The following FIP1L1 variants were observed in gnomAD, a reference collection of about 807,000 sequenced individuals.
FIP1L1 encodes the protein pre-mRNA 3'-end-processing factor FIP1.
Under a neutral mutation model 84.6 loss-of-function variants are expected in FIP1L1, and 21 were observed. That is an observed-to-expected ratio of 0.25 (90% CI 0.18 to 0.36). FIP1L1 has a LOEUF of 0.36. Ranked by LOEUF, FIP1L1 falls within the 10% of genes least tolerant of loss-of-function variation. The pLI, the probability that FIP1L1 is intolerant of heterozygous loss-of-function variation, is 1.00. For missense variants in FIP1L1, 526 were observed against 751.1 expected (o/e 0.70, Z 3.50); for synonymous variants, 263 against 242.3 (o/e 1.09, Z -0.80).
chr4:53,392,762 C>T (rs1744941695), intron 9 of FIP1L1, among the ~76,000 whole-genome samples: 1 of 151,976 alleles, frequency 6.6e-6, no homozygotes, highest in African/African-American at 2.4e-5. Flanking sequence ...TGAAGGTAGC[C>T]GTTATGAATG....
At chr4:53,438,723 A>G (rs766214696) in intron 13 of FIP1L1, among the ~76,000 whole-genome samples, 2 of 152,190 alleles carry the variant, frequency 1.3e-5, no homozygotes, top group Non-Finnish European at 2.9e-5. Context: ...AATTTTAACT[A>G]CCTTTGTAAT....
intron 13 of FIP1L1, among the ~76,000 whole-genome samples, chr4:53,439,382 G>T (rs1203390744): frequency 2.0e-5 from 3 of 152,012 alleles, no homozygotes; most frequent in African/African-American, 7.2e-5. Flanking sequence ...TGTTTTTATT[G>T]TATGGGTGGT....
At chr4:53,378,127 A>G in intron 1 of FIP1L1, 1 of 460,776 alleles carries the variant, frequency 2.2e-6, no homozygotes. Context: ...CACCATGCGC[A>G]TCCACCCCTG....
intron 9 of FIP1L1, among the ~76,000 whole-genome samples, chr4:53,396,014 G>A (rs1426115430): frequency 3.3e-5 from 5 of 151,978 alleles, no homozygotes; most frequent in Non-Finnish European, 1.5e-5. Context: ...TACCTCCTGG[G>A]TTCAAGTGAT....
Position 53,377,910 on chromosome 4 carries a change from G to C in FIP1L1, c.72G>C (p.Glu24Asp). The C allele has an allele frequency of 6.3e-7, 1 of 1,599,160 alleles. No individual in the cohort carries two copies. Among genetic ancestry groups the C allele is most frequent in the Non-Finnish European group, 8.5e-7 (1 of 1,172,816 alleles). ...GGACCGGAGGGGATGAGGAGGAAGAGTGGCTCTATGGCGGTACGAAACTTC... is the reference window on the plus strand; with the variant it reads ...GGACCGGAGGGGATGAGGAGGAAGACTGGCTCTATGGCGGTACGAAACTTC... Reference protein sequence around the residue: ...SGGTGGDEEEEWLYGGPWDVH... With the variant: ...SGGTGGDEEEDWLYGGPWDVH... Residue 24 changes from glutamate to aspartate, a missense_variant, in exon 1 of 18, where the codon GAG becomes GAC. Physicochemically the swap from Glu to Asp is conservative, Grantham distance 45. This residue lies in a region of FIP1L1 where 100 missense variants were observed against 107.2 expected (regional missense o/e 0.93). Coordinates refer to ENST00000337488, the MANE Select transcript of FIP1L1 (RefSeq NM_030917.4).
At chr4:53,400,031 AGAAGT>A (rs1362234253) in intron 10 of FIP1L1, among the ~76,000 whole-genome samples, 192 bp downstream of exon 10, 2 of 152,226 alleles carry the variant, frequency 1.3e-5, no homozygotes, top group Non-Finnish European at 2.9e-5. Context: ...AGGGTAAGCA[AGAAGT>A]GAAGTGCGGT....
intron 9 of FIP1L1, among the ~76,000 whole-genome samples, chr4:53,397,328 A>G (rs924992633): frequency 2.6e-5 from 4 of 152,190 alleles, no homozygotes; most frequent in African/African-American, 9.7e-5. Context: ...TAGACTCAGT[A>G]AAATTGGCTA....
intron 15 of FIP1L1, among the ~76,000 whole-genome samples, chr4:53,451,488 GTCAAGTCGTCTTGAATTGAC>G (rs1715902049): frequency 6.6e-6 from 1 of 151,136 alleles, no homozygotes; most frequent in Non-Finnish European, 1.5e-5. Context: ...CTACATCTTC[GTCAAGTCGTCTTGAATTGAC>G]TGAGTTTCTT....
chr4:53,420,087 A>G (rs1761571931), intron 11 of FIP1L1, among the ~76,000 whole-genome samples: 1 of 150,736 alleles, frequency 6.6e-6, no homozygotes, highest in Admixed American at 6.7e-5. Flanking sequence ...AGTCCCAGCT[A>G]CTCAGGAGGC....
At chr4:53,414,870 T>C in intron 11 of FIP1L1, 148 bp downstream of exon 11, 1 of 530,270 alleles carries the variant, frequency 1.9e-6, no homozygotes, top group Non-Finnish European at 3.4e-6. Context: ...GGTTTTTTAG[T>C]TACCTTATAA....
intron 14 of FIP1L1, among the ~76,000 whole-genome samples, chr4:53,443,557 C>A (rs1430332053): frequency 1.3e-5 from 2 of 152,032 alleles, no homozygotes; most frequent in African/African-American, 4.8e-5. Context: ...ATATGATTTT[C>A]AGAGGAAACT....
rs1047408451 is a variant in FIP1L1 at position 53,377,800 on chromosome 4, G to A, written c.-39G>A. The A allele has an allele frequency of 6.6e-7, 1 of 1,514,962 alleles. No individual in the cohort carries two copies. The allele number at this position is 1,514,962 out of a possible 1,614,324, so 93.8% of individuals were successfully genotyped here. The stretch of plus-strand genomic sequence containing the variant: ...GAGGCTGGGGAAGGGGTTGGAGGGG[G>A]CTGTTGATCGCCGCGTTTAAGTTGC... On this transcript the variant is annotated 5_prime_UTR_variant, in exon 1 of 18. Coordinates refer to ENST00000337488, the MANE Select transcript of FIP1L1 (RefSeq NM_030917.4).
intron 10 of FIP1L1, among the ~76,000 whole-genome samples, chr4:53,400,174 A>G (rs774124827): frequency 6.6e-6 from 1 of 152,188 alleles, no homozygotes; most frequent in Non-Finnish European, 1.5e-5. Context: ...ATTCTTACAT[A>G]AAGAATTATT....
At chr4:53,378,108 G>A in intron 1 of FIP1L1, 185 bp downstream of exon 1, 3 of 491,756 alleles carry the variant, frequency 6.1e-6, no homozygotes, top group Non-Finnish European at 1.0e-5. Flanking sequence ...CTCCCGCCTG[G>A]CCCACGCCCA....
intron 10 of FIP1L1, among the ~76,000 whole-genome samples, chr4:53,408,860 A>G (rs1302806066): frequency 2.0e-5 from 3 of 152,074 alleles, no homozygotes; most frequent in African/African-American, 7.2e-5. Context: ...TCCTTTAAGC[A>G]CTTCTCTGTA....
At chr4:53,442,596 C>A in intron 13 of FIP1L1, 57 bp from the exon 14 acceptor site, 1 of 1,211,712 alleles carries the variant, frequency 8.3e-7, no homozygotes, top group Non-Finnish European at 1.2e-6. Context: ...CTTTGTTTCA[C>A]TCTTGACATT....
intron 13 of FIP1L1, among the ~76,000 whole-genome samples, chr4:53,430,073 C>T (rs191375029): frequency 6.5e-4 from 99 of 152,226 alleles, no homozygotes; most frequent in African/African-American, 2.3e-3. Context: ...GCACAGTGTC[C>T]TCCAGGTTCA....
At chr4:53,435,887 A>G (rs530418466) in intron 13 of FIP1L1, among the ~76,000 whole-genome samples, 27 of 152,294 alleles carry the variant, frequency 1.8e-4, no homozygotes, top group Admixed American at 7.8e-4. Flanking sequence ...ATAGAAACGC[A>G]TTTCTGGTAG....
At chr4:53,459,235 A>G in intron 17 of FIP1L1, 67 bp from the exon 18 acceptor site, 1 of 1,124,734 alleles carries the variant, frequency 8.9e-7, no homozygotes, top group Non-Finnish European at 1.3e-6. Flanking sequence ...CCTTAGAGTG[A>G]TTGGATTTTT....
Sources: gnomAD v4.1 joint callset for allele counts (sites outside exome capture counted in the v4.1 genomes callset) on GRCh38, gnomAD v4.1.1 for gene constraint, gnomAD v4.1.1 regional missense constraint, MANE v1.5 for transcripts, NCBI Gene and HGNC (gene_info 2026-07-23, HGNC 2026-07-21) for gene names.